Variants in HHAT observed in about 807,000 individuals in gnomAD.
HHAT encodes the protein protein-cysteine N-palmitoyltransferase HHAT.
HHAT carries 47 observed loss-of-function variants against 70.8 expected under a neutral mutation model. The ratio of observed to expected loss-of-function variants is 0.66; its 90% CI spans 0.53 to 0.85. The LOEUF is 0.85. Ranked by LOEUF, HHAT falls within the 40% of genes least tolerant of loss-of-function variation. The probability of loss-of-function intolerance (pLI) is 0.00; values close to 1 mark genes in which losing one functional copy is unlikely to be tolerated. For synonymous variants in HHAT, 228 were observed against 247.6 expected (o/e 0.92, Z 0.74); for missense variants, 609 against 604.8 (o/e 1.01, Z -0.07).
At chr1:210,557,075 G>A (rs1359498235) in intron 9 of HHAT, among the ~76,000 whole-genome samples, 1 of 152,232 alleles carries the variant, frequency 6.6e-6, no homozygotes, top group African/African-American at 2.4e-5. Flanking sequence ...ATGAGCTGGA[G>A]GAGCATGGGG....
At chr1:210,606,626 A>G (rs1003803938) in intron 10 of HHAT, among the ~76,000 whole-genome samples, 3 of 151,830 alleles carry the variant, frequency 2.0e-5, no homozygotes, top group African/African-American at 4.8e-5. Context: ...CTCTCCTTTA[A>G]CAAATCCCTG....
chr1:210,474,669 A>G (rs1424296065), intron 8 of HHAT, among the ~76,000 whole-genome samples: 2 of 152,038 alleles, frequency 1.3e-5, no homozygotes. Flanking sequence ...TTTTGTGTGT[A>G]TTGAAAGACT....
intron 8 of HHAT, among the ~76,000 whole-genome samples, chr1:210,488,668 G>A (rs528451431): frequency 1.3e-5 from 2 of 152,320 alleles, no homozygotes; most frequent in Admixed American, 1.3e-4. Context: ...TGAGGTGGGA[G>A]GATCGCTTGA....
intron 11 of HHAT, among the ~76,000 whole-genome samples, chr1:210,648,405 G>A (rs934800636): frequency 1.3e-5 from 2 of 152,188 alleles, no homozygotes; most frequent in Non-Finnish European, 1.5e-5. Context: ...ACGGAGACTT[G>A]AAGCCATGCA....
At chr1:210,480,817 T>G (rs1172506373) in intron 8 of HHAT, among the ~76,000 whole-genome samples, 2 of 152,310 alleles carry the variant, frequency 1.3e-5, no homozygotes, top group South Asian at 2.1e-4. Flanking sequence ...TCCTTTATTT[T>G]CCTGGATACA....
intron 8 of HHAT, among the ~76,000 whole-genome samples, chr1:210,505,595 T>C (rs1026880239): frequency 2.0e-5 from 3 of 152,166 alleles, no homozygotes; most frequent in African/African-American, 7.2e-5. Context: ...TGAGTCTAGG[T>C]ATAAACTTTA....
intron 6 of HHAT, among the ~76,000 whole-genome samples, chr1:210,409,100 A>C (rs1474385747): frequency 1.3e-5 from 2 of 152,146 alleles, no homozygotes; most frequent in Non-Finnish European, 2.9e-5. Context: ...TCCTGGCCTC[A>C]AGTGATTCTC....
intron 11 of HHAT, among the ~76,000 whole-genome samples, chr1:210,648,930 C>T (rs1488518552): frequency 6.6e-6 from 1 of 152,156 alleles, no homozygotes; most frequent in Non-Finnish European, 1.5e-5. Flanking sequence ...TCAAGTGACA[C>T]CAGGATTGAG....
intron 9 of HHAT, among the ~76,000 whole-genome samples, chr1:210,559,233 C>T (rs2095600178): frequency 6.6e-6 from 1 of 152,118 alleles, no homozygotes; most frequent in East Asian, 1.9e-4. Context: ...TTTACCTATT[C>T]ATTTGCTTTT....
chr1:210,410,768 C>T (rs558477665), intron 6 of HHAT, among the ~76,000 whole-genome samples: 21 of 152,068 alleles, frequency 1.4e-4, no homozygotes, highest in African/African-American at 2.4e-4. Context: ...TCAAGTGATC[C>T]GCCCGCCTTG....
chr1:210,598,258 G>A (rs1243842244), intron 10 of HHAT, among the ~76,000 whole-genome samples: 1 of 151,802 alleles, frequency 6.6e-6, no homozygotes, highest in Admixed American at 6.6e-5. Context: ...AGTTTGGAAG[G>A]AATCTGTCTT....
At chr1:210,444,925 C>T (rs569563260) in intron 7 of HHAT, among the ~76,000 whole-genome samples, 15 of 152,258 alleles carry the variant, frequency 9.9e-5, no homozygotes, top group Non-Finnish European at 1.6e-4. Context: ...CTGCAACCTC[C>T]GTCTCCTGGG....
chr1:210,457,174 C>T (rs1030211725), intron 7 of HHAT, among the ~76,000 whole-genome samples: 4 of 152,120 alleles, frequency 2.6e-5, no homozygotes, highest in Admixed American at 2.0e-4. Context: ...CCTTCACCCC[C>T]GGCGGGGAGA....
chr1:210,633,089 CTGGTTGGTAGT>C (rs1289736206), intron 11 of HHAT, among the ~76,000 whole-genome samples: 1 of 152,170 alleles, frequency 6.6e-6, no homozygotes, highest in Non-Finnish European at 1.5e-5. Flanking sequence ...TCTAAGCCAC[CTGGTTGGTAGT>C]ATTTGGTTCT....
chr1:210,456,971 C>T (rs1169764538), intron 7 of HHAT, among the ~76,000 whole-genome samples: 4 of 152,162 alleles, frequency 2.6e-5, no homozygotes, highest in Non-Finnish European at 5.9e-5. Context: ...TGCCCATGAC[C>T]TCACTCCCTT....
intron 9 of HHAT, among the ~76,000 whole-genome samples, chr1:210,573,547 C>T (rs1458488985): frequency 1.3e-5 from 2 of 152,108 alleles, no homozygotes; most frequent in East Asian, 3.8e-4. Context: ...AGTTAAGGTC[C>T]CATATGTTAA....
intron 11 of HHAT, among the ~76,000 whole-genome samples, chr1:210,655,957 G>A (rs1325216201): frequency 2.0e-5 from 3 of 152,070 alleles, no homozygotes; most frequent in Non-Finnish European, 4.4e-5. Flanking sequence ...ATCTGGTCCC[G>A]CCTTCTCTCG....
At chr1:210,474,387 C>T (rs1294548491) in intron 8 of HHAT, among the ~76,000 whole-genome samples, 1 of 152,194 alleles carries the variant, frequency 6.6e-6, no homozygotes, top group East Asian at 1.9e-4. Context: ...ACCTTCTGGG[C>T]TCAGGTGGTC....
chr1:210,611,640 G>A (rs1186615463), intron 10 of HHAT, among the ~76,000 whole-genome samples: 1 of 152,022 alleles, frequency 6.6e-6, no homozygotes, highest in Non-Finnish European at 1.5e-5. Context: ...TTGGCTATGG[G>A]TTTGTCATAT....
Sources: allele counts gnomAD v4.1 joint callset (sites outside exome capture counted in the v4.1 genomes callset), GRCh38; gene constraint gnomAD v4.1.1; transcripts MANE v1.5; gene names NCBI Gene and HGNC (gene_info 2026-07-23, HGNC 2026-07-21).